Variants in ADGRL1 observed in about 807,000 individuals in gnomAD.
The protein encoded by ADGRL1 is CIRL-1.
In ADGRL1, 31 loss-of-function variants were observed where a neutral mutation model predicts 148.9. That is an observed-to-expected ratio of 0.21 (90% CI 0.16 to 0.28). The LOEUF (loss-of-function observed/expected upper bound fraction) is 0.28, where lower values mean the gene tolerates loss of function less well. Among genes scored for constraint, ADGRL1 ranks in the 10% least tolerant of loss-of-function variants. The probability of loss-of-function intolerance (pLI) is 1.00; values close to 1 mark genes in which losing one functional copy is unlikely to be tolerated. For synonymous variants in ADGRL1, 937 were observed against 900.3 expected (o/e 1.04, Z -0.73); for missense variants, 1,521 against 2,058.8 (o/e 0.74, Z 5.05).
At chr19:14,179,330 C>G (rs369254350) in intron 2 of ADGRL1, among the ~76,000 whole-genome samples, 2 of 151,748 alleles carry the variant, frequency 1.3e-5, no homozygotes, top group East Asian at 3.9e-4. Flanking sequence ...CCATCTCTAC[C>G]AAAAATACAA....
chr19:14,206,045 G>A lies in ADGRL1; in HGVS notation c.-156C>T, dbSNP rs2145218705. On this transcript the variant is annotated 5_prime_UTR_variant, in exon 1 of 23. Transcript: ENST00000361434. Reference sequence around the variant, plus strand: ...CTCTCCTGCGGCTCGGCGAACCCGGGCCCCCCGCCCGGCACATCTCCCGGA... The same window carrying A: ...CTCTCCTGCGGCTCGGCGAACCCGGACCCCCCGCCCGGCACATCTCCCGGA... 6.6e-6 allele frequency: 1 copy of A among 151,764 alleles called. No homozygotes were observed. Among genetic ancestry groups the A allele is most frequent in the East Asian group, 2.0e-4 (1 of 5,118 alleles). The allele number at this position is 151,764 out of a possible 1,614,324, so 9.4% of individuals were successfully genotyped here.
chr19:14,183,409 G>A (rs1231100498), intron 2 of ADGRL1, 124 bp downstream of exon 2: 21 of 879,104 alleles, frequency 2.4e-5, no homozygotes, highest in Non-Finnish European at 3.5e-5. Context: ...TCCAGCTGAG[G>A]TCTGGGGCGG....
intron 1 of ADGRL1, among the ~76,000 whole-genome samples, chr19:14,187,657 G>A (rs188861199): frequency 2.0e-5 from 3 of 147,668 alleles, no homozygotes; most frequent in East Asian, 2.0e-4. Context: ...ATTTTACAGC[G>A]TGTTACCCCG....
In ADGRL1 at chr19:14,191,398, C is replaced by G. The variant is rs1314648004; in HGVS notation, c.-95-7701G>C. On this transcript the variant is annotated intron_variant, in intron 1 of 22. Transcript: ENST00000361434. ...GATACCTCAGAGGGCAGCTGTGCAA[C>G]AGGACAAATTCACACACGAGACACT... is the stretch of plus-strand genomic sequence containing the variant. 1.1e-5 allele frequency: 5 copies of G among 456,736 alleles called. No homozygotes were observed. In the East Asian group the frequency reaches 3.5e-4, roughly 32 times the overall value. The allele number at this position is 456,736 out of a possible 1,614,324, so 28.3% of individuals were successfully genotyped here.
intron 3 of ADGRL1, 42 bp from the exon 4 acceptor site, chr19:14,170,833 CGGGGTGGCG>C: frequency 2.3e-6 from 1 of 427,382 alleles, no homozygotes; most frequent in Non-Finnish European, 4.6e-6. Flanking sequence ...AACACATAGA[CGGGGTGGCG>C]GGGGTGGGGG....
intron 3 of ADGRL1, among the ~76,000 whole-genome samples, chr19:14,171,621 G>A (rs1378286430): frequency 1.3e-5 from 2 of 152,226 alleles, no homozygotes; most frequent in African/African-American, 2.4e-5. Flanking sequence ...TCAATGAAAT[G>A]TTCAGTGTCC....
chr19:14,202,054 C>G (rs1438800510), intron 1 of ADGRL1, among the ~76,000 whole-genome samples: 1 of 151,968 alleles, frequency 6.6e-6, no homozygotes, highest in Non-Finnish European at 1.5e-5. Flanking sequence ...TGCAAACGCC[C>G]CGGGGTAGGA....
Position 14,161,985 on chromosome 19 carries a change from G to A in ADGRL1, c.1196-359C>T, listed in dbSNP as rs1275780365. Among the ~76,000 whole-genome samples the A allele has an allele frequency of 6.6e-6, 1 of 152,148 alleles. No individual in the cohort carries two copies. Among genetic ancestry groups the A allele is most frequent in the East Asian group, 1.9e-4 (1 of 5,180 alleles). On this transcript the variant is annotated intron_variant, in intron 5 of 22. Coordinates refer to ENST00000361434, the MANE Select transcript of ADGRL1 (RefSeq NM_014921.5). The surrounding 1 kb of genome is among the most constrained non-coding windows in gnomAD (Gnocchi z 4.4). ...CCAATCCAGGTCAGCCCCGCCACCAGGTGGGGGCTGAATACCACCGCCCCC... is the reference window on the plus strand; with the variant it reads ...CCAATCCAGGTCAGCCCCGCCACCAAGTGGGGGCTGAATACCACCGCCCCC...
chr19:14,195,263 G>A (rs187325310), intron 1 of ADGRL1, among the ~76,000 whole-genome samples: 2 of 152,272 alleles, frequency 1.3e-5, no homozygotes, highest in African/African-American at 2.4e-5. Flanking sequence ...TAAGCCCTGC[G>A]TCTGTCTCAA....
Position 14,161,768 on chromosome 19 carries a change from G to A in ADGRL1, c.1196-142C>T. 1 of 547,126 alleles carries A rather than the reference G, an allele frequency of 1.8e-6. No individual in the cohort carries two copies. The highest frequency in any genetic ancestry group is 2.9e-6 in the Non-Finnish European group (1 of 344,652). 33.9% of individuals were successfully genotyped at this position (547,126 alleles called of 1,614,324 possible). A position where few individuals can be genotyped will look rare whatever the true frequency, so the allele number is the denominator to read the frequency against. On this transcript the variant is annotated intron_variant, in intron 5 of 22. Transcript: ENST00000361434. The surrounding 1 kb of genome is among the most constrained non-coding windows in gnomAD (Gnocchi z 4.4). Reference sequence around the variant, plus strand: ...GTGCCGGGCCCCACTGGGTCTATGAGTTGATCTCCCCTGGCCGCTCTGTGC... The same window carrying A: ...GTGCCGGGCCCCACTGGGTCTATGAATTGATCTCCCCTGGCCGCTCTGTGC...
rs764190654 is a variant in ADGRL1, at chr19:14,161,534, G to A, written c.1288C>T (p.Arg430Cys). The part of the protein sequence containing the change: ...TASPAATTPL[R>C]RAPLTTHPVG... ...GGGTGCGTGGTGAGGGGTGCCCGGC[G>A]GAGCGGGGTGGTGGCTGCGGGCGAG... Residue 430 changes from arginine (R) to cysteine (C), a missense_variant, in exon 6 of 23, where the codon CGC (arginine) becomes TGC (cysteine). Physicochemically the swap from Arg to Cys is radical, Grantham distance 180 (BLOSUM62 -3). Transcript: ENST00000361434. This position sits in a 1 kb window ranked among gnomAD's most constrained non-coding sequence, Gnocchi z 4.4. The A allele has an allele frequency of 3.5e-6, 5 of 1,448,628 alleles. No homozygotes were observed. Among genetic ancestry groups the A allele is most frequent in the African/African-American group, 1.5e-5 (1 of 68,214 alleles). 89.7% of individuals were successfully genotyped at this position (1,448,628 alleles called of 1,614,324 possible).
rs1400297286 is a variant in ADGRL1 at position 14,155,097 on chromosome 19, A to G, written c.3294+262T>C. 2 of 256,080 alleles carry G rather than the reference A, an allele frequency of 7.8e-6. No homozygotes were observed. Among genetic ancestry groups the G allele is most frequent in the Non-Finnish European group, 1.5e-5 (2 of 133,454 alleles). The allele number at this position is 256,080 out of a possible 1,614,324, so 15.9% of individuals were successfully genotyped here. On this transcript the variant is annotated intron_variant, in intron 18 of 22. Coordinates refer to ENST00000361434, the MANE Select transcript of ADGRL1 (RefSeq NM_014921.5). The surrounding 1 kb of genome is among the most constrained non-coding windows in gnomAD (Gnocchi z 5.0). ...GCCCTCATGGTGGTGAGGGTTCCCC[A>G]TTACCAAATCTGTTCTGCTCTCACT...
chr19:14,180,994 G>C (rs1172300252), intron 2 of ADGRL1, among the ~76,000 whole-genome samples: 1 of 151,700 alleles, frequency 6.6e-6, no homozygotes, highest in African/African-American at 2.4e-5. Context: ...CTTGCAGTGA[G>C]CCGAGATCAC....
chr19:14,188,827 G>A (rs1335536470), intron 1 of ADGRL1, among the ~76,000 whole-genome samples: 2 of 152,120 alleles, frequency 1.3e-5, no homozygotes, highest in African/African-American at 4.8e-5. Flanking sequence ...GGGCTGGAGT[G>A]CAGTGGCACA....
chr19:14,149,759 A>G lies in ADGRL1; in HGVS notation c.*1114T>C. The G allele has an allele frequency of 6.6e-6, 1 of 152,626 alleles. No homozygotes were observed. Among genetic ancestry groups the G allele is most frequent in the Non-Finnish European group, 1.5e-5 (1 of 68,040 alleles). The allele number at this position is 152,626 out of a possible 1,614,324, so 9.5% of individuals were successfully genotyped here. A position where few individuals can be genotyped will look rare whatever the true frequency, so the allele number is the denominator to read the frequency against. ...TGTTTTCTGTCTCTGGATTGTAAAA[A>G]GCTGCTCTGGCGGCCCGCCCGCCCC... On this transcript the variant is annotated 3_prime_UTR_variant, in exon 23 of 23. Transcript: ENST00000361434.
intron 2 of ADGRL1, among the ~76,000 whole-genome samples, chr19:14,180,132 AT>A (rs1285994046): frequency 7.2e-5 from 11 of 152,110 alleles, no homozygotes; most frequent in Non-Finnish European, 1.6e-4. Flanking sequence ...GCAGTACACC[AT>A]GTGTGTTGTC....
rs1463372177 is a variant in ADGRL1, at chr19:14,163,330, T to C, written c.471A>G (p.Ala157=). 3.1e-6 allele frequency: 5 copies of C among 1,611,762 alleles called. No individual in the cohort carries two copies. The highest frequency in any genetic ancestry group is 2.7e-5 in the African/African-American group (2 of 75,016). The stretch of plus-strand genomic sequence containing the variant: ...CCGCCTGCAGCGGGTCCTTGCACCA[T>C]GCGCCAGACTGGTGCTCTGACTCGT... ...STHESEHQSG[A]WCKDPLQAGD... is the part of the protein sequence containing the mutation. Residue 157 remains alanine, a synonymous_variant, in exon 5 of 23, where the codon GCA becomes GCG. Coordinates refer to ENST00000361434, the MANE Select transcript of ADGRL1 (RefSeq NM_014921.5).
At position 14,152,621 on chromosome 19, in the gene ADGRL1, C is replaced by T. The variant is rs996986074; in HGVS notation, c.3424-8G>A. ...CATCCTCCGAATTCGGCTCTGGGAA[C>T]ACAACCCAAATGTGAGGGGATCCTT... On this transcript the variant is annotated splice_region_variant and splice_polypyrimidine_tract_variant and intron_variant, in intron 19 of 22. Transcript: ENST00000361434. This position sits in a 1 kb window ranked among gnomAD's most constrained non-coding sequence, Gnocchi z 6.1. 1 of 1,613,604 alleles carries T rather than the reference C, an allele frequency of 6.2e-7. No individual in the cohort carries two copies. The highest frequency in any genetic ancestry group is 2.2e-5 in the East Asian group (1 of 44,880).
chr19:14,178,935 G>A (rs1395077655), intron 2 of ADGRL1, among the ~76,000 whole-genome samples: 4 of 152,190 alleles, frequency 2.6e-5, no homozygotes, highest in East Asian at 1.9e-4. Flanking sequence ...TGTAATCCCC[G>A]CACTTTGGGA....
Sources: gnomAD v4.1 joint callset for allele counts (sites outside exome capture counted in the v4.1 genomes callset) on GRCh38, gnomAD v4.1.1 for gene constraint, Gnocchi (gnomAD v3.1) non-coding constraint, MANE v1.5 for transcripts, NCBI Gene and HGNC (gene_info 2026-07-23, HGNC 2026-07-21) for gene names.